ZKSCAN7: variants seen among roughly 807,000 people sequenced by gnomAD.
The protein encoded by ZKSCAN7 is zinc finger protein with KRAB and SCAN domains 7.
Under a neutral mutation model 65.3 loss-of-function variants are expected in ZKSCAN7, and 38 were observed. The observed-to-expected ratio is 0.58, with a 90% CI of 0.45 to 0.76. The LOEUF (loss-of-function observed/expected upper bound fraction) is 0.76, where lower values mean the gene tolerates loss of function less well. Among genes scored for constraint, ZKSCAN7 ranks in the 30% least tolerant of loss-of-function variants. The probability of loss-of-function intolerance (pLI) is 0.00; values close to 1 mark genes in which losing one functional copy is unlikely to be tolerated. For missense variants in ZKSCAN7, 815 were observed against 913.3 expected (o/e 0.89, Z 1.39); for synonymous variants, 321 against 321.0 (o/e 1.00, Z 0.00).
At chr3:44,575,066 G>A (rs1699895870), downstream of ZKSCAN7, among the ~76,000 whole-genome samples, 3 of 152,198 alleles carry the variant, frequency 2.0e-5, no homozygotes, top group Admixed American at 6.5e-5. Context: ...GTGAAGGCAG[G>A]AGGATCACTT....
chr3:44,581,370 G>A (rs1700084421), intron 5 of ZKSCAN7, among the ~76,000 whole-genome samples: 1 of 144,410 alleles, frequency 6.9e-6, no homozygotes, highest in Admixed American at 6.8e-5. Flanking sequence ...AGCGCCCCGC[G>A]GCCGCTGCAA....
At chr3:44,577,294 T>G (rs989710572) in intron 5 of ZKSCAN7, among the ~76,000 whole-genome samples, 3 of 148,256 alleles carry the variant, frequency 2.0e-5, no homozygotes, top group Admixed American at 1.3e-4. Flanking sequence ...TTTTTTTTTG[T>G]TTTTTTTTAG....
chr3:44,561,428 T>G (rs1191939054), intron 2 of ZKSCAN7, among the ~76,000 whole-genome samples: 2 of 152,134 alleles, frequency 1.3e-5, no homozygotes, highest in Non-Finnish European at 2.9e-5. Flanking sequence ...TCTAAACCAC[T>G]ATTATTCTGC....
At chr3:44,582,923 TG>T (rs1163525521) in intron 5 of ZKSCAN7, 5 of 385,692 alleles carry the variant, frequency 1.3e-5, no homozygotes, top group Non-Finnish European at 2.6e-5. Flanking sequence ...TGTGTGTGTG[TG>T]TGTGTGTGTG....
At position 44,571,458 on chromosome 3, in the gene ZKSCAN7, G is replaced by A; in HGVS notation, c.*83G>A. The A allele has an allele frequency of 6.2e-7, 1 of 1,600,490 alleles. No homozygotes were observed. Among genetic ancestry groups the A allele is most frequent in the African/African-American group, 1.3e-5 (1 of 75,002 alleles). ...AGGATGCTCATAGTGGTTTCCCGGAGCCAGTAGTCACGGTGGACCATTCCC... is the reference window on the plus strand; with the variant it reads ...AGGATGCTCATAGTGGTTTCCCGGAACCAGTAGTCACGGTGGACCATTCCC... On this transcript the variant is annotated 3_prime_UTR_variant, in exon 6 of 6. Transcript: ENST00000426540.
At position 44,570,453 on chromosome 3, in the gene ZKSCAN7, A is replaced by G. The variant is rs751245628; in HGVS notation, c.1343A>G (p.Tyr448Cys). 4.0e-5 allele frequency: 64 copies of G among 1,614,024 alleles called. 1 individual carries two copies. The East Asian group carries it at 1.4e-3, about 34-fold the overall frequency. The change falls in exon 6 of 6, where the codon TAT becomes TGT. Residue 448 changes from tyrosine to cysteine, a missense_variant. Physicochemically the swap from Tyr to Cys is radical, Grantham distance 194 (BLOSUM62 -2). This residue lies in a region of ZKSCAN7 where 578 missense variants were observed against 629.5 expected (regional missense o/e 0.92). Transcript: ENST00000426540. Reference sequence around the variant, plus strand: ...GAATGCAGTGAGTGTGGAAAGGCCTATAGGCACAGCTCCCATCTCATTCAA... The same window carrying G: ...GAATGCAGTGAGTGTGGAAAGGCCTGTAGGCACAGCTCCCATCTCATTCAA... Reference protein sequence around the residue: ...PYECSECGKAYRHSSHLIQHQ... With the variant: ...PYECSECGKACRHSSHLIQHQ...
In ZKSCAN7 at chr3:44,571,462, G is replaced by A. The variant is rs115905928; in HGVS notation, c.*87G>A. On this transcript the variant is annotated 3_prime_UTR_variant, in exon 6 of 6. Transcript: ENST00000426540. ...TGCTCATAGTGGTTTCCCGGAGCCA[G>A]TAGTCACGGTGGACCATTCCCTACT... 2,643 of 1,599,448 alleles carry A rather than the reference G, an allele frequency of 1.7e-3. 48 individuals are homozygous for A. The African/African-American group carries it at 0.03, about 18-fold the overall frequency.
At chr3:44,567,309 C>T (rs1272889740) in intron 3 of ZKSCAN7, among the ~76,000 whole-genome samples, 3 of 152,106 alleles carry the variant, frequency 2.0e-5, no homozygotes, top group African/African-American at 7.2e-5. Context: ...TTATGTTGTA[C>T]ATGCTGGTCT....
chr3:44,557,144 A>G lies in ZKSCAN7; in HGVS notation c.97A>G (p.Asn33Asp). Residue 33 changes from asparagine to aspartate, a missense_variant, in exon 2 of 6, where the codon AAC becomes GAC. Physicochemically the swap from Asn to Asp is conservative, Grantham distance 23. Transcript: ENST00000426540. ...CCTGACTGTGAAGCAGGAGCCAGCAAACCAGACCTGGGGGCAGGGCAGCAG... is the reference window on the plus strand; with the variant it reads ...CCTGACTGTGAAGCAGGAGCCAGCAGACCAGACCTGGGGGCAGGGCAGCAG... ...GRLTVKQEPA[N>D]QTWGQGSSLQ... The G allele has an allele frequency of 6.2e-7, 1 of 1,614,278 alleles. No individual in the cohort carries two copies. The highest frequency in any genetic ancestry group is 8.5e-7 in the Non-Finnish European group (1 of 1,180,050).
intron 2 of ZKSCAN7, among the ~76,000 whole-genome samples, chr3:44,564,918 AG>A (rs1699588508): frequency 6.6e-6 from 1 of 152,048 alleles, no homozygotes; most frequent in Non-Finnish European, 1.5e-5. Context: ...CTCCTGCCTC[AG>A]CCTCCCAAGT....
intron 5 of ZKSCAN7, among the ~76,000 whole-genome samples, chr3:44,577,969 C>G (rs1699958367): frequency 6.6e-6 from 1 of 152,212 alleles, no homozygotes; most frequent in Non-Finnish European, 1.5e-5. Flanking sequence ...CGTTCTTGCA[C>G]CGTCAGGCCT....
rs897913865 is a variant in ZKSCAN7 at position 44,571,357 on chromosome 3, G to C, written c.2247G>C (p.Leu749=). 6.2e-7 allele frequency: 1 copy of C among 1,614,110 alleles called. No individual in the cohort carries two copies. ...ACACTGGAGAGAAGTCCTCAGGTCT[G>C]GCTTGGTCAGTTTCTTAAGGTATGG... The part of the protein sequence containing the change: ...RTHTGEKSSG[L]AWSVS Residue 749 remains leucine (L), a synonymous_variant, in exon 6 of 6, where the codon CTG becomes CTC. Transcript: ENST00000426540.
chr3:44,576,268 T>C (rs531370236), downstream of ZKSCAN7, among the ~76,000 whole-genome samples: 9 of 152,196 alleles, frequency 5.9e-5, no homozygotes, highest in Non-Finnish European at 1.3e-4. Flanking sequence ...TCTTTTTCCA[T>C]ATATAGTCAT....
chr3:44,557,637 C>G (rs1699338723), intron 2 of ZKSCAN7, 167 bp downstream of exon 2: 2 of 860,344 alleles, frequency 2.3e-6, no homozygotes, highest in Non-Finnish European at 1.7e-6. Flanking sequence ...GCCATAAACA[C>G]AAGTGCACAT....
Position 44,571,016 on chromosome 3 carries a change from A to C in ZKSCAN7, c.1906A>C (p.Lys636Gln). Residue 636 changes from lysine (K) to glutamine (Q), a missense_variant, in exon 6 of 6, where the codon AAA (lysine) becomes CAA (glutamine). Coordinates refer to ENST00000426540, the MANE Select transcript of ZKSCAN7 (RefSeq NM_001288590.2). ...QRLHTGEKPY[K>Q]CNECGKSFNQ... Reference sequence around the variant, plus strand: ...ACTTCACACGGGTGAAAAGCCCTATAAATGCAATGAGTGTGGAAAATCCTT... The same window carrying C: ...ACTTCACACGGGTGAAAAGCCCTATCAATGCAATGAGTGTGGAAAATCCTT... The C allele has an allele frequency of 1.2e-6, 2 of 1,614,120 alleles. No homozygotes were observed. The highest frequency in any genetic ancestry group is 1.7e-6 in the Non-Finnish European group (2 of 1,180,020).
chr3:44,570,233 G>A lies in ZKSCAN7; in HGVS notation c.1123G>A (p.Gly375Arg), dbSNP rs1185166985. Reference sequence around the variant, plus strand: ...GTCTTCCAGTCCTGTTGAACATGAAGGAGTTTTAAAGGGACAGAAATCCTA... The same window carrying A: ...GTCTTCCAGTCCTGTTGAACATGAAAGAGTTTTAAAGGGACAGAAATCCTA... Reference protein sequence around the residue: ...PLSSSPVEHEGVLKGQKSYRC... With the variant: ...PLSSSPVEHERVLKGQKSYRC... The change falls in exon 6 of 6, where the codon GGA (glycine) becomes AGA (arginine). Residue 375 changes from glycine to arginine, a missense_variant. Gly to Arg is a moderately radical substitution (Grantham distance 125). Around this residue, in one of 3 missense-constraint regions of ZKSCAN7, gnomAD observed 578 missense variants for 629.5 expected, o/e 0.92. Coordinates refer to ENST00000426540, the MANE Select transcript of ZKSCAN7 (RefSeq NM_001288590.2). 6.2e-7 allele frequency: 1 copy of A among 1,614,222 alleles called. No individual in the cohort carries two copies. Among genetic ancestry groups the A allele is most frequent in the Non-Finnish European group, 8.5e-7 (1 of 1,180,044 alleles).
In ZKSCAN7 at chr3:44,581,759, T is replaced by C. The variant is rs554673210; in HGVS notation, c.812-1213T>C. Among the ~76,000 whole-genome samples, 3 of 152,308 alleles carry C rather than the reference T, an allele frequency of 2.0e-5. No homozygotes were observed. In the South Asian group the frequency reaches 6.2e-4, roughly 32 times the overall value. ...GGAGTGGTATACTTACTCACTTACC[T>C]CTTAAACATGCAATGAAAATATTCT... On this transcript the variant is annotated intron_variant, in intron 5 of 5. Transcript: ENST00000341840.
At chr3:44,576,481 CT>C (rs1195886887), downstream of ZKSCAN7, among the ~76,000 whole-genome samples, 1 of 151,958 alleles carries the variant, frequency 6.6e-6, no homozygotes, top group Non-Finnish European at 1.5e-5. Context: ...GGCAGTGTAT[CT>C]TGTTTCTCTT....
intron 5 of ZKSCAN7, chr3:44,580,574 G>T: frequency 6.2e-7 from 1 of 1,613,900 alleles, no homozygotes; most frequent in Non-Finnish European, 8.5e-7. Context: ...TCTGCTTGTT[G>T]GTCCGGGGAT....
Sources: allele counts gnomAD v4.1 joint callset (sites outside exome capture counted in the v4.1 genomes callset), GRCh38; gene constraint gnomAD v4.1.1; regional missense constraint gnomAD v4.1.1; transcripts MANE v1.5; gene names NCBI Gene and HGNC (gene_info 2026-07-23, HGNC 2026-07-21).